The following ZNF331 variants were observed in gnomAD, a reference collection of about 807,000 sequenced individuals.
The protein encoded by ZNF331 is C2H2-like zinc finger protein rearranged in thyroid adenomas.
Under a neutral mutation model 7.0 loss-of-function variants are expected in ZNF331, and 2 were observed. The ratio of observed to expected loss-of-function variants is 0.29; its 90% CI spans 0.12 to 0.90. The LOEUF (loss-of-function observed/expected upper bound fraction) is 0.90. Among genes scored for constraint, ZNF331 ranks in the 40% least tolerant of loss-of-function variants. The pLI, the probability that ZNF331 is intolerant of heterozygous loss-of-function variation, is 0.58. For synonymous variants in ZNF331, 196 were observed against 205.4 expected (o/e 0.95, Z 0.39); for missense variants, 432 against 587.7 (o/e 0.74, Z 2.74).
In ZNF331 at chr19:53,560,908, G is replaced by C. The variant is rs956584634; in HGVS notation, c.-74+5000G>C. Among the ~76,000 whole-genome samples, 1 of 152,124 alleles carries C rather than the reference G, an allele frequency of 6.6e-6. No homozygotes were observed. Among genetic ancestry groups the C allele is most frequent in the African/African-American group, 2.4e-5 (1 of 41,432 alleles). On this transcript the variant is annotated intron_variant, in intron 3 of 5. Coordinates refer to ENST00000449416, the MANE Select transcript of ZNF331 (RefSeq NM_001079906.2). This position sits in a 1 kb window ranked among gnomAD's most constrained non-coding sequence, Gnocchi z 4.3. ...CCATCTGCAGCCTTAATTTTCCTTT[G>C]CCATACAAGGTAACATATTTGAAAG...
In ZNF331 at chr19:53,544,401, C is replaced by A. The variant is rs141391589; in HGVS notation, c.-138+5119C>A. 2.1e-3 allele frequency among the ~76,000 whole-genome samples: 289 copies of A among 140,824 alleles called. 5 individuals are homozygous for A. Among genetic ancestry groups the A allele is most frequent in the African/African-American group, 7.2e-3 (276 of 38,370 alleles). 92.4% of individuals were successfully genotyped at this position (140,824 alleles called of 152,430 possible). On this transcript the variant is annotated intron_variant, in intron 2 of 5. Transcript: ENST00000449416. The stretch of plus-strand genomic sequence containing the variant: ...TCTACTAAAAATACAAAAAATTAGC[C>A]GGGCGAGGTAGTGGGCACCTGTAGT...
intron 3 of ZNF331, among the ~76,000 whole-genome samples, chr19:53,564,550 G>A (rs1314617033): frequency 6.6e-6 from 1 of 152,098 alleles, no homozygotes; most frequent in African/African-American, 2.4e-5. Context: ...CAAAGCGCTG[G>A]GATTACAGGC....
chr19:53,513,147 G>A, the ZNF331 span, among the ~76,000 whole-genome samples: 3 of 151,282 alleles, frequency 2.0e-5, no homozygotes, highest in African/African-American at 7.3e-5. Context: ...TGGGTGTCAG[G>A]ATCTCTAAAA....
rs2090445446 is a variant in ZNF331, at chr19:53,571,519, C to G, written c.10-85C>G. The G allele has an allele frequency of 6.4e-7, 1 of 1,562,452 alleles. No homozygotes were observed. The highest frequency in any genetic ancestry group is 1.4e-5 in the African/African-American group (1 of 73,736). Reference sequence around the variant, plus strand: ...TGTTCAGTCTGCTCACGGTGTTCACCCTACCCAGAGGGTGGCCTCCTGTCT... The same window carrying G: ...TGTTCAGTCTGCTCACGGTGTTCACGCTACCCAGAGGGTGGCCTCCTGTCT... On this transcript the variant is annotated intron_variant, in intron 4 of 5. Transcript: ENST00000449416. This position sits in a 1 kb window ranked among gnomAD's most constrained non-coding sequence, Gnocchi z 4.7.
chr19:53,544,633 T>C (rs1296016175), intron 2 of ZNF331, among the ~76,000 whole-genome samples: 3 of 152,140 alleles, frequency 2.0e-5, no homozygotes, highest in Non-Finnish European at 4.4e-5. Context: ...TGTGAGATAC[T>C]GCTATTTTTT....
chr19:53,563,592 T>TA (rs147646452), intron 3 of ZNF331, among the ~76,000 whole-genome samples: 28 of 147,706 alleles, frequency 1.9e-4, no homozygotes, highest in East Asian at 3.9e-4. Flanking sequence ...TTAATGTAAG[T>TA]AAAAAAAAAA....
At chr19:53,504,709 C>T in the ZNF331 span, among the ~76,000 whole-genome samples, 1 of 152,166 alleles carries the variant, frequency 6.6e-6, no homozygotes, top group Non-Finnish European at 1.5e-5. Context: ...AGTCAACATC[C>T]ATAAACTGAC....
intron 3 of ZNF331, among the ~76,000 whole-genome samples, chr19:53,559,023 T>TCC (rs2089626429): frequency 6.6e-6 from 1 of 150,586 alleles, no homozygotes; most frequent in Admixed American, 6.6e-5. Flanking sequence ...CATACCTACA[T>TCC]ATAGAGACAC....
At chr19:53,520,025 T>C (rs117603621), upstream of ZNF331, among the ~76,000 whole-genome samples, 1,923 of 151,946 alleles carry the variant, frequency 0.013, 18 homozygotes, top group Non-Finnish European at 0.019. Context: ...ATCACAGCTT[T>C]TAAGCTTTCC....
upstream of ZNF331, chr19:53,537,571 G>C (rs967550293): frequency 6.6e-6 from 1 of 152,392 alleles, no homozygotes; most frequent in Non-Finnish European, 1.5e-5. Flanking sequence ...CTCCGGCACC[G>C]ACCTGGGACG....
At chr19:53,569,240 C>A in intron 3 of ZNF331, 64 bp from the exon 4 acceptor site, 2 of 827,614 alleles carry the variant, frequency 2.4e-6, no homozygotes, top group South Asian at 3.2e-5. Flanking sequence ...GCCAAAAGGT[C>A]ATATTACATC....
At chr19:53,528,751 C>G (rs2087406337) in intron 2 of ZNF331, among the ~76,000 whole-genome samples, 1 of 151,910 alleles carries the variant, frequency 6.6e-6, no homozygotes, top group African/African-American at 2.4e-5. Context: ...TATAGCAGAT[C>G]ATAATTTATT....
the ZNF331 span, among the ~76,000 whole-genome samples, chr19:53,513,216 A>C: frequency 4.6e-5 from 7 of 152,008 alleles, no homozygotes; most frequent in African/African-American, 1.7e-4. Context: ...TCCGTGCATC[A>C]TGAAGGACCC....
At chr19:53,505,708 C>T in the ZNF331 span, among the ~76,000 whole-genome samples, 19 of 152,276 alleles carry the variant, frequency 1.2e-4, no homozygotes, top group East Asian at 5.8e-4. Context: ...CAGCAGAGGC[C>T]GGGCGTGGTG....
Position 53,577,569 on chromosome 19 carries a change from C to A in ZNF331, c.1009C>A (p.Arg337Ser). 1 of 1,608,954 alleles carries A rather than the reference C, an allele frequency of 6.2e-7. No homozygotes were observed. The highest frequency in any genetic ancestry group is 8.5e-7 in the Non-Finnish European group (1 of 1,178,532). ...HECKECGKAF[R>S]WGSSLVKHER... Reference sequence around the variant, plus strand: ...ATGTAAGGAGTGTGGGAAGGCCTTTCGCTGGGGTTCGAGCCTCGTTAAGCA... The same window carrying A: ...ATGTAAGGAGTGTGGGAAGGCCTTTAGCTGGGGTTCGAGCCTCGTTAAGCA... The change falls in exon 6 of 6, where the codon CGC becomes AGC. Residue 337 changes from arginine to serine, a missense_variant. By Grantham distance (110) the Arg-to-Ser change is moderately radical (BLOSUM62 -1). Around this residue, in one of 3 missense-constraint regions of ZNF331, gnomAD observed 312 missense variants for 448.6 expected, o/e 0.70. Transcript: ENST00000449416.
intron 2 of ZNF331, among the ~76,000 whole-genome samples, chr19:53,549,302 A>G (rs1485468661): frequency 6.6e-6 from 1 of 152,172 alleles, no homozygotes; most frequent in Non-Finnish European, 1.5e-5. Flanking sequence ...TTTTCATGCC[A>G]GTATTATAAC....
chr19:53,524,070 A>G (rs1318130495), intron 2 of ZNF331, among the ~76,000 whole-genome samples: 2 of 152,158 alleles, frequency 1.3e-5, no homozygotes, highest in Admixed American at 1.3e-4. Flanking sequence ...AGCTTCTTCC[A>G]TGTCCCTGCA....
chr19:53,509,556 G>A, the ZNF331 span, among the ~76,000 whole-genome samples: 1 of 152,188 alleles, frequency 6.6e-6, no homozygotes, highest in African/African-American at 2.4e-5. Context: ...GAAGTAGATG[G>A]ATCCAGGAAA....
upstream of ZNF331, among the ~76,000 whole-genome samples, chr19:53,535,525 G>A (rs2087712482): frequency 6.6e-6 from 1 of 152,158 alleles, no homozygotes; most frequent in Non-Finnish European, 1.5e-5. Context: ...TCATGTAAAT[G>A]AGGCAAAAAC....
Sources: allele counts gnomAD v4.1 joint callset (sites outside exome capture counted in the v4.1 genomes callset), GRCh38; gene constraint gnomAD v4.1.1; regional missense constraint gnomAD v4.1.1; non-coding constraint Gnocchi (gnomAD v3.1); transcripts MANE v1.5; gene names NCBI Gene and HGNC (gene_info 2026-07-23, HGNC 2026-07-21).